Variants in GPC6 observed in about 807,000 individuals in gnomAD.
GPC6 encodes glypican-6.
In GPC6, 14 loss-of-function variants were observed where a neutral mutation model predicts 55.2. The ratio of observed to expected loss-of-function variants is 0.25; its 90% CI spans 0.17 to 0.40. The LOEUF (loss-of-function observed/expected upper bound fraction) is 0.40. GPC6 is among the 10% of genes least tolerant of loss of function. The pLI, the probability that GPC6 is intolerant of heterozygous loss-of-function variation, is 1.00. For missense variants in GPC6, 641 were observed against 708.5 expected, an observed-to-expected ratio of 0.90 and a Z score of 1.08; for synonymous variants, 278 against 259.6, an observed-to-expected ratio of 1.07 and a Z score of -0.68.
At chr13:93,484,994 A>C (rs1305095860) in intron 1 of GPC6, among the ~76,000 whole-genome samples, 2 of 152,224 alleles carry the variant, frequency 1.3e-5, no homozygotes, top group Non-Finnish European at 2.9e-5. Flanking sequence ...ATAGTTTCCA[A>C]GTCAGGAATT....
At chr13:93,503,096 C>G (rs1880580693) in intron 1 of GPC6, among the ~76,000 whole-genome samples, 1 of 152,146 alleles carries the variant, frequency 6.6e-6, no homozygotes, top group Non-Finnish European at 1.5e-5. Flanking sequence ...CCCTTCCATA[C>G]ATCCTCACCA....
chr13:93,865,255 T>G (rs2139031052), intron 3 of GPC6, among the ~76,000 whole-genome samples: 1 of 151,790 alleles, frequency 6.6e-6, no homozygotes, highest in East Asian at 2.0e-4. Context: ...TCAATGGAAC[T>G]TACTCTCTGG....
intron 4 of GPC6, among the ~76,000 whole-genome samples, chr13:94,087,375 C>G (rs961028337): frequency 6.6e-6 from 1 of 152,192 alleles, no homozygotes; most frequent in African/African-American, 2.4e-5. Context: ...ATGAAAGCTA[C>G]GCCTTAAAAC....
chr13:93,822,058 CATA>C (rs1166150925), intron 2 of GPC6, among the ~76,000 whole-genome samples: 12 of 150,944 alleles, frequency 7.9e-5, no homozygotes, highest in Admixed American at 3.3e-4. Context: ...ACATAAAGTA[CATA>C]ATATTTTGCA....
intron 1 of GPC6, among the ~76,000 whole-genome samples, chr13:93,288,607 T>C (rs1282963693): frequency 6.6e-6 from 1 of 152,224 alleles, no homozygotes; most frequent in East Asian, 1.9e-4. Context: ...AAAAAGGCAC[T>C]TCATAAAACA....
intron 2 of GPC6, among the ~76,000 whole-genome samples, chr13:93,757,248 G>A (rs936097046): frequency 5.9e-5 from 9 of 152,108 alleles, no homozygotes; most frequent in South Asian, 2.1e-4. Context: ...TCATGGAGAC[G>A]TCAGAGTTCC....
At chr13:93,928,856 TAC>T (rs10642875) in intron 3 of GPC6, among the ~76,000 whole-genome samples, 3,578 of 142,960 alleles carry the variant, frequency 0.025, 53 homozygotes, top group East Asian at 0.061. Flanking sequence ...CCCTGTGTGT[TAC>T]ACACACACAC....
intron 1 of GPC6, among the ~76,000 whole-genome samples, chr13:93,243,961 G>A (rs762930086): frequency 6.3e-4 from 96 of 152,090 alleles, no homozygotes; most frequent in Non-Finnish European, 1.1e-3. Flanking sequence ...GGGCAGGGCC[G>A]TGGAACTCCT....
chr13:93,506,567 G>A (rs1047292637), intron 1 of GPC6, among the ~76,000 whole-genome samples: 1 of 152,038 alleles, frequency 6.6e-6, no homozygotes, highest in Non-Finnish European at 1.5e-5. Context: ...ACTCTTCCAG[G>A]CTACCAGTGC....
chr13:93,338,479 A>G (rs190964585), intron 1 of GPC6, among the ~76,000 whole-genome samples: 70 of 152,284 alleles, frequency 4.6e-4, no homozygotes, highest in African/African-American at 1.4e-3. Context: ...ACCTTTTGAA[A>G]TTCCACTGTT....
chr13:94,018,397 C>T (rs923728117), intron 3 of GPC6, among the ~76,000 whole-genome samples: 22 of 152,028 alleles, frequency 1.4e-4, no homozygotes, highest in African/African-American at 5.1e-4. Context: ...TCAAGCAATT[C>T]TCCTGCCTCA....
At chr13:93,819,603 A>C (rs1886975098) in intron 2 of GPC6, among the ~76,000 whole-genome samples, 1 of 152,236 alleles carries the variant, frequency 6.6e-6, no homozygotes, top group African/African-American at 2.4e-5. Flanking sequence ...GGCCAGTGCT[A>C]GGAAACTGCA....
chr13:93,662,836 A>G (rs2139615269), intron 2 of GPC6, among the ~76,000 whole-genome samples: 1 of 152,272 alleles, frequency 6.6e-6, no homozygotes, highest in South Asian at 2.1e-4. Flanking sequence ...TCAATGAAAT[A>G]GAAAAAAAAT....
chr13:93,873,699 A>G (rs1022431755), intron 3 of GPC6, among the ~76,000 whole-genome samples: 21 of 152,008 alleles, frequency 1.4e-4, no homozygotes, highest in African/African-American at 5.1e-4. Flanking sequence ...TTTCACTAGC[A>G]TAATGAATAC....
At chr13:94,060,787 A>G (rs17791647) in intron 4 of GPC6, among the ~76,000 whole-genome samples, 20,267 of 152,184 alleles carry the variant, frequency 0.13, 1,737 homozygotes, top group South Asian at 0.21. Context: ...AATAGAGTCA[A>G]GTGTCTTCCT....
chr13:93,711,217 G>A (rs1229783735), intron 2 of GPC6, among the ~76,000 whole-genome samples: 1 of 151,802 alleles, frequency 6.6e-6, no homozygotes, highest in Non-Finnish European at 1.5e-5. Flanking sequence ...TTGTGTAGCT[G>A]TTTCTGAGTT....
chr13:93,736,959 A>T (rs1427081523), intron 2 of GPC6, among the ~76,000 whole-genome samples: 2 of 152,208 alleles, frequency 1.3e-5, no homozygotes, highest in Non-Finnish European at 2.9e-5. Flanking sequence ...GTATAGTTTT[A>T]TGAGAAAATA....
At chr13:93,622,334 C>T (rs985183054) in intron 2 of GPC6, among the ~76,000 whole-genome samples, 1 of 152,138 alleles carries the variant, frequency 6.6e-6, no homozygotes, top group Admixed American at 6.5e-5. Flanking sequence ...TAAGGGAACT[C>T]AAGCTTTAGG....
At chr13:94,234,950 G>T (rs1018469434) in intron 4 of GPC6, among the ~76,000 whole-genome samples, 1 of 152,110 alleles carries the variant, frequency 6.6e-6, no homozygotes, top group South Asian at 2.1e-4. Flanking sequence ...TTGCCAGGAG[G>T]TTGGGGAAAA....
Sources: allele counts gnomAD v4.1 joint callset (sites outside exome capture counted in the v4.1 genomes callset), GRCh38; gene constraint gnomAD v4.1.1; transcripts MANE v1.5; gene names NCBI Gene and HGNC (gene_info 2026-07-23, HGNC 2026-07-21).